Variants in GRID1 observed in about 807,000 individuals in gnomAD.
GRID1 encodes the protein glutamate receptor ionotropic, delta-1.
Under a neutral mutation model 98.0 loss-of-function variants are expected in GRID1, and 28 were observed. The observed-to-expected ratio is 0.29, with a 90% confidence interval of 0.21 to 0.39. GRID1 has a LOEUF of 0.39. Among genes scored for constraint, GRID1 ranks in the 10% least tolerant of loss-of-function variants. The pLI is 1.00. For missense variants in GRID1, 1,111 were observed against 1,340.5 expected (o/e 0.83, Z 2.67); for synonymous variants, 553 against 538.5 (o/e 1.03, Z -0.37).
At chr10:85,681,439 G>T (rs1426566544) in intron 12 of GRID1, among the ~76,000 whole-genome samples, 1 of 152,140 alleles carries the variant, frequency 6.6e-6, no homozygotes, top group Non-Finnish European at 1.5e-5. Context: ...GGAAAAGTTA[G>T]GTTGCCCAAA....
chr10:86,353,857 G>A (rs1284369483), intron 2 of GRID1, among the ~76,000 whole-genome samples: 2 of 152,240 alleles, frequency 1.3e-5, no homozygotes, highest in African/African-American at 4.8e-5. Context: ...CCATGGCAGG[G>A]AAGGAGTTAG....
intron 4 of GRID1, among the ~76,000 whole-genome samples, chr10:85,963,046 G>A (rs1298175300): frequency 1.3e-5 from 2 of 152,156 alleles, no homozygotes; most frequent in African/African-American, 4.8e-5. Flanking sequence ...AGGGAAGTCT[G>A]GAAGAATGAC....
Position 85,850,121 on chromosome 10 carries a change from G to A in GRID1, c.1233+4375C>T, listed in dbSNP as rs73336586. On this transcript the variant is annotated intron_variant, in intron 8 of 15. Transcript: ENST00000327946. Reference sequence around the variant, plus strand: ...ACTGAATCGGGTGGATGCCACCCACGGAAAATGAGGTTCAAAGGGCCTGCG... The same window carrying A: ...ACTGAATCGGGTGGATGCCACCCACAGAAAATGAGGTTCAAAGGGCCTGCG... 6.1e-3 allele frequency among the ~76,000 whole-genome samples: 925 copies of A among 152,202 alleles called. 9 individuals are homozygous for A. The highest frequency in any genetic ancestry group is 0.021 in the African/African-American group (871 of 41,526).
intron 2 of GRID1, among the ~76,000 whole-genome samples, chr10:86,229,006 T>C (rs12570394): frequency 0.28 from 43,241 of 152,056 alleles, 7,001 homozygotes; most frequent in Non-Finnish European, 0.38. Context: ...AGGCAGTGGG[T>C]ACTCACAGTA....
At chr10:85,716,994 G>T (rs1354190529) in intron 12 of GRID1, among the ~76,000 whole-genome samples, 2 of 152,186 alleles carry the variant, frequency 1.3e-5, no homozygotes, top group Admixed American at 6.5e-5. Flanking sequence ...TTGTCAAAGA[G>T]TACAGAATTT....
intron 8 of GRID1, among the ~76,000 whole-genome samples, chr10:85,770,771 G>C (rs12360436): frequency 6.6e-6 from 1 of 152,100 alleles, no homozygotes; most frequent in African/African-American, 2.4e-5. Flanking sequence ...GGGAAGTTTA[G>C]AGAAAAAAGA....
chr10:85,646,695 T>A (rs1283380983), intron 13 of GRID1: 3 of 164,656 alleles, frequency 1.8e-5, no homozygotes, highest in Non-Finnish European at 4.0e-5. Context: ...TATCCCCATC[T>A]CTGAGGTACA....
At chr10:85,964,389 T>A (rs1334652113) in intron 4 of GRID1, among the ~76,000 whole-genome samples, 1 of 152,082 alleles carries the variant, frequency 6.6e-6, no homozygotes, top group Admixed American at 6.6e-5. Context: ...GACTTCAAAC[T>A]ATACCACAAA....
intron 3 of GRID1, among the ~76,000 whole-genome samples, chr10:86,171,315 T>C (rs11817682): frequency 0.16 from 23,702 of 152,194 alleles, 2,604 homozygotes; most frequent in African/African-American, 0.3. Flanking sequence ...GGATTTGGTA[T>C]GCAAGCCTGA....
chr10:85,871,112 A>G lies in GRID1; in HGVS notation c.781-1932T>C, dbSNP rs898031882. Among the ~76,000 whole-genome samples, 43 of 152,004 alleles carry G rather than the reference A, an allele frequency of 2.8e-4. 1 individual carries two copies. The highest frequency in any genetic ancestry group is 8.5e-4 in the African/African-American group (35 of 41,362). On this transcript the variant is annotated intron_variant, in intron 5 of 15. Coordinates refer to ENST00000327946, the MANE Select transcript of GRID1 (RefSeq NM_017551.3). ...TTAAGATGGGCTTACATCCTGACAA[A>G]CCCATCATACGTTGAAAATATCATA...
At chr10:86,341,617 A>G (rs1848312112) in intron 2 of GRID1, among the ~76,000 whole-genome samples, 1 of 152,160 alleles carries the variant, frequency 6.6e-6, no homozygotes, top group Non-Finnish European at 1.5e-5. Context: ...CACTGAGAGA[A>G]CATGTCACAA....
intron 2 of GRID1, among the ~76,000 whole-genome samples, chr10:86,251,098 T>C (rs1306759392): frequency 6.6e-6 from 1 of 152,168 alleles, no homozygotes; most frequent in African/African-American, 2.4e-5. Flanking sequence ...TTAAATGGAT[T>C]AAGGGCGGTG....
In GRID1 at chr10:86,348,085, G is replaced by A. The variant is rs113517916; in HGVS notation, c.235+15856C>T. ...CACTGGGGTCTCAGTCCAACAGCCG[G>A]TGTGCACTGTGAGCTCTCTGGGACA... On this transcript the variant is annotated intron_variant, in intron 2 of 15. Coordinates refer to ENST00000327946, the MANE Select transcript of GRID1 (RefSeq NM_017551.3). Among the ~76,000 whole-genome samples the A allele has an allele frequency of 2.6e-3, 390 of 152,336 alleles. 10 individuals carry two copies. The highest frequency in any genetic ancestry group is 0.017 in the Middle Eastern group (5 of 294).
intron 5 of GRID1, among the ~76,000 whole-genome samples, chr10:85,907,878 A>C (rs1475209761): frequency 2.0e-5 from 3 of 152,234 alleles, no homozygotes; most frequent in African/African-American, 7.2e-5. Context: ...CTGTAATGTT[A>C]GAAAATCAGT....
chr10:86,161,535 T>C (rs1845323819), intron 3 of GRID1, among the ~76,000 whole-genome samples: 1 of 151,996 alleles, frequency 6.6e-6, no homozygotes, highest in Non-Finnish European at 1.5e-5. Context: ...TGAGGCTCAG[T>C]GAGTGCCCTA....
intron 8 of GRID1, among the ~76,000 whole-genome samples, chr10:85,778,008 C>G (rs928513449): frequency 6.6e-6 from 1 of 152,150 alleles, no homozygotes; most frequent in Admixed American, 6.5e-5. Context: ...TCTTGGGCAT[C>G]TTGGTGTCAG....
chr10:85,925,721 T>G (rs1841765906), intron 4 of GRID1, among the ~76,000 whole-genome samples: 1 of 151,598 alleles, frequency 6.6e-6, no homozygotes, highest in Non-Finnish European at 1.5e-5. Context: ...GACAGGAGAG[T>G]CCCTCCCTCC....
At chr10:86,256,846 G>C (rs972894979) in intron 2 of GRID1, among the ~76,000 whole-genome samples, 1 of 152,196 alleles carries the variant, frequency 6.6e-6, no homozygotes, top group Non-Finnish European at 1.5e-5. Flanking sequence ...CAGCCACCGG[G>C]AAGCATCAGC....
chr10:85,937,873 T>C (rs1841947492), intron 4 of GRID1, among the ~76,000 whole-genome samples: 1 of 152,126 alleles, frequency 6.6e-6, no homozygotes, highest in Non-Finnish European at 1.5e-5. Flanking sequence ...ACTGCCGAGG[T>C]TGAGAAAACC....
Sources: allele counts gnomAD v4.1 joint callset (sites outside exome capture counted in the v4.1 genomes callset), GRCh38; gene constraint gnomAD v4.1.1; transcripts MANE v1.5; gene names NCBI Gene and HGNC (gene_info 2026-07-23, HGNC 2026-07-21).